The following ADAM29 variants were observed in gnomAD, a reference collection of about 807,000 sequenced individuals.
ADAM29 encodes ADAM metallopeptidase domain 29, also known as disintegrin and metalloproteinase domain-containing protein 29.
For synonymous variants in ADAM29, 367 were observed against 342.3 expected, an observed-to-expected ratio of 1.07 and a Z score of -0.80; for missense variants, 969 against 1,001.8, an observed-to-expected ratio of 0.97 and a Z score of 0.44.
intron 2 of ADAM29, among the ~76,000 whole-genome samples, chr4:174,924,494 A>C (rs557719458): frequency 2.0e-5 from 3 of 152,240 alleles, no homozygotes; most frequent in African/African-American, 7.2e-5. Context: ...TTATGTCTAC[A>C]CAAAAACCTG....
At chr4:174,973,075 A>T (rs1296737221) in intron 4 of ADAM29, among the ~76,000 whole-genome samples, 1 of 152,216 alleles carries the variant, frequency 6.6e-6, no homozygotes, top group East Asian at 1.9e-4. Context: ...CACAGCAGGA[A>T]GCTGAAAGCT....
In ADAM29 at chr4:174,977,532, G is replaced by A. The variant is rs560731315; in HGVS notation, c.2007G>A (p.Lys669=). 6 of 1,614,106 alleles carry A rather than the reference G, an allele frequency of 3.7e-6. No homozygotes were observed. Among genetic ancestry groups the A allele is most frequent in the Admixed American group, 3.3e-5 (2 of 60,014 alleles). Residue 669 remains lysine (K), a synonymous_variant, in exon 5 of 5, where the codon AAG becomes AAA. Transcript: ENST00000359240. ...GGSVDSGPPP[K]RKKKKKFCYL... ...GTGTTGACAGTGGCCCACCCCCTAAGAGAAAGAAGAAAAAGAAGTTCTGTT... is the reference window on the plus strand; with the variant it reads ...GTGTTGACAGTGGCCCACCCCCTAAAAGAAAGAAGAAAAAGAAGTTCTGTT...
chr4:174,923,066 A>T (rs75808592), intron 2 of ADAM29, among the ~76,000 whole-genome samples: 8 of 93,924 alleles, frequency 8.5e-5, no homozygotes, highest in East Asian at 3.4e-4. Context: ...AATTATTATT[A>T]TTTTTTTGAG....
At chr4:174,961,972 A>T (rs533634107) in intron 4 of ADAM29, among the ~76,000 whole-genome samples, 2 of 152,196 alleles carry the variant, frequency 1.3e-5, no homozygotes, top group Non-Finnish European at 2.9e-5. Context: ...ATTAATTATT[A>T]TATTTTAAGT....
intron 1 of ADAM29, among the ~76,000 whole-genome samples, chr4:174,920,097 T>C (rs146711565): frequency 3.3e-5 from 5 of 152,318 alleles, no homozygotes; most frequent in African/African-American, 4.8e-5. Context: ...TCATGAATCA[T>C]GTTACCTATT....
At chr4:174,968,787 A>G (rs1746298840) in intron 4 of ADAM29, among the ~76,000 whole-genome samples, 1 of 151,426 alleles carries the variant, frequency 6.6e-6, no homozygotes, top group Non-Finnish European at 1.5e-5. Context: ...ACACACACAC[A>G]CACACACACA....
chr4:174,959,714 A>AT (rs1440181772), intron 4 of ADAM29, among the ~76,000 whole-genome samples: 7 of 151,692 alleles, frequency 4.6e-5, no homozygotes, highest in African/African-American at 1.7e-4. Flanking sequence ...CAATTGGTAA[A>AT]TTTCTATCTT....
intron 4 of ADAM29, among the ~76,000 whole-genome samples, chr4:174,943,712 C>A (rs1744679970): frequency 1.3e-5 from 2 of 151,934 alleles, no homozygotes; most frequent in South Asian, 4.1e-4. Context: ...ATATTAAGGA[C>A]CTTCTTTCGT....
chr4:174,977,974 G>C lies in ADAM29; in HGVS notation c.2449G>C (p.Val817Leu). The C allele has an allele frequency of 6.3e-6, 10 of 1,592,254 alleles. No homozygotes were observed. The highest frequency in any genetic ancestry group is 8.6e-6 in the Non-Finnish European group (10 of 1,167,858). Residue 817 changes from valine (V) to leucine (L), a missense_variant, in exon 5 of 5, where the codon GTG (valine) becomes CTG (leucine). Val to Leu is a conservative substitution (Grantham distance 32). Coordinates refer to ENST00000359240, the MANE Select transcript of ADAM29 (RefSeq NM_014269.4). ...GATGCCTTCCCAGAGTCAACCTCCT[G>C]TGACGCCCTCCTAGAGCCAACCTCA... ...QLMPSQSQPP[V>L]TPS
chr4:174,954,402 G>A (rs575093692), intron 4 of ADAM29, among the ~76,000 whole-genome samples: 83 of 152,072 alleles, frequency 5.5e-4, no homozygotes, highest in Admixed American at 1.3e-3. Flanking sequence ...AAGTTTTCCA[G>A]GTATACTTTA....
intron 2 of ADAM29, among the ~76,000 whole-genome samples, chr4:174,928,277 G>A (rs1743631104): frequency 6.6e-6 from 1 of 152,094 alleles, no homozygotes; most frequent in Non-Finnish European, 1.5e-5. Flanking sequence ...ACAAGGCGAG[G>A]AACAGGGTCA....
chr4:174,974,359 A>T (rs1174557257), intron 4 of ADAM29, among the ~76,000 whole-genome samples: 1 of 152,236 alleles, frequency 6.6e-6, no homozygotes, highest in Non-Finnish European at 1.5e-5. Flanking sequence ...TACATGAAAG[A>T]TAAGAAGAAA....
intron 4 of ADAM29, among the ~76,000 whole-genome samples, chr4:174,955,218 G>A (rs1429931869): frequency 2.0e-5 from 3 of 151,956 alleles, no homozygotes; most frequent in African/African-American, 7.2e-5. Context: ...TTTTTGAGCT[G>A]AATGTATCAA....
intron 4 of ADAM29, among the ~76,000 whole-genome samples, chr4:174,951,494 GGTTT>G (rs1435002874): frequency 6.6e-6 from 1 of 151,988 alleles, no homozygotes; most frequent in Non-Finnish European, 1.5e-5. Context: ...TTTGTATAAT[GGTTT>G]ATTTGTTTGA....
chr4:174,976,921 G>C lies in ADAM29; in HGVS notation c.1396G>C (p.Glu466Gln). The part of the protein sequence containing the change: ...RKEVNECDLP[E>Q]WCNGTSHKCP... Reference sequence around the variant, plus strand: ...GGAGGTCAATGAATGTGATCTTCCAGAGTGGTGCAATGGTACTTCCCATAA... The same window carrying C: ...GGAGGTCAATGAATGTGATCTTCCACAGTGGTGCAATGGTACTTCCCATAA... The change falls in exon 5 of 5, where the codon GAG becomes CAG. Residue 466 changes from glutamate to glutamine, a missense_variant. Physicochemically the swap from Glu to Gln is conservative, Grantham distance 29. Transcript: ENST00000359240. 6.2e-7 allele frequency: 1 copy of C among 1,614,122 alleles called. No homozygotes were observed. The highest frequency in any genetic ancestry group is 8.5e-7 in the Non-Finnish European group (1 of 1,180,022).
At chr4:174,923,125 G>A (rs1411209710) in intron 2 of ADAM29, among the ~76,000 whole-genome samples, 4 of 151,816 alleles carry the variant, frequency 2.6e-5, no homozygotes, top group African/African-American at 4.8e-5. Flanking sequence ...GTGCGATCTC[G>A]GCTCACTGCA....
chr4:174,945,826 G>T (rs912638115), intron 4 of ADAM29, among the ~76,000 whole-genome samples: 4 of 151,924 alleles, frequency 2.6e-5, no homozygotes, highest in Non-Finnish European at 5.9e-5. Context: ...ATTTCTGAGT[G>T]CTCTGTTCCA....
At chr4:174,924,557 C>G (rs573888517) in intron 2 of ADAM29, among the ~76,000 whole-genome samples, 1 of 152,292 alleles carries the variant, frequency 6.6e-6, no homozygotes, top group Non-Finnish European at 1.5e-5. Context: ...GTGTAAGTCA[C>G]AAGATAGCCT....
intron 2 of ADAM29, among the ~76,000 whole-genome samples, chr4:174,928,820 A>G (rs112392228): frequency 0.01 from 1,583 of 152,248 alleles, 22 homozygotes; most frequent in African/African-American, 0.035. Context: ...AAGGCACTCC[A>G]TCTTTCTTGG....
Sources: allele counts gnomAD v4.1 joint callset (sites outside exome capture counted in the v4.1 genomes callset), GRCh38; gene constraint gnomAD v4.1.1; transcripts MANE v1.5; gene names NCBI Gene and HGNC (gene_info 2026-07-23, HGNC 2026-07-21).